Variants in UHRF2 observed in about 807,000 individuals in gnomAD.
UHRF2 encodes the protein ubiquitin like with PHD and ring finger domains 2.
Under a neutral mutation model 96.8 loss-of-function variants are expected in UHRF2, and 23 were observed. The ratio of observed to expected loss-of-function variants is 0.24; its 90% CI spans 0.17 to 0.34. The LOEUF is 0.34. Ranked by LOEUF, UHRF2 falls within the 10% of genes least tolerant of loss-of-function variation. The pLI, the probability that UHRF2 is intolerant of heterozygous loss-of-function variation, is 1.00. For missense variants in UHRF2, 685 were observed against 981.5 expected, an observed-to-expected ratio of 0.70 and a Z score of 4.04; for synonymous variants, 385 against 332.6, an observed-to-expected ratio of 1.16 and a Z score of -1.72.
At position 6,498,011 on chromosome 9, in the gene UHRF2, G is replaced by C. The variant is rs746830713; in HGVS notation, c.1768-7G>C. On this transcript the variant is annotated splice_polypyrimidine_tract_variant and splice_region_variant and intron_variant, in intron 11 of 15. Transcript: ENST00000276893. ...TCTCAAACTGGCACTGAAATATTGTGATTTAGGTGGTGAAATACTGGCCAG... is the reference window on the plus strand; with the variant it reads ...TCTCAAACTGGCACTGAAATATTGTCATTTAGGTGGTGAAATACTGGCCAG... The C allele has an allele frequency of 1.9e-6, 3 of 1,611,934 alleles. No individual in the cohort carries two copies. In the African/African-American group the frequency reaches 4.0e-5, roughly 22 times the overall value.
intron 14 of UHRF2, among the ~76,000 whole-genome samples, chr9:6,501,030 A>G (rs541585877): frequency 1.3e-5 from 2 of 152,328 alleles, no homozygotes; most frequent in East Asian, 3.9e-4. Flanking sequence ...TTTTTGTTAC[A>G]GTTCAAAGTT....
intron 3 of UHRF2, among the ~76,000 whole-genome samples, chr9:6,446,432 C>T (rs776004957): frequency 3.3e-4 from 48 of 147,562 alleles, no homozygotes; most frequent in Non-Finnish European, 2.2e-4. Context: ...CGTGAGCCAC[C>T]ATGCCTGGCC....
At chr9:6,490,733 A>C (rs774828974) in intron 9 of UHRF2, among the ~76,000 whole-genome samples, 2 of 152,212 alleles carry the variant, frequency 1.3e-5, no homozygotes, top group African/African-American at 2.4e-5. Flanking sequence ...TGTGGAGATA[A>C]GTACTGATGA....
intron 2 of UHRF2, among the ~76,000 whole-genome samples, chr9:6,424,546 G>A (rs1338759005): frequency 6.6e-6 from 1 of 152,094 alleles, no homozygotes; most frequent in African/African-American, 2.4e-5. Flanking sequence ...TTTTAGAACA[G>A]TTTTAGATTT....
intron 1 of UHRF2, among the ~76,000 whole-genome samples, chr9:6,419,069 C>G (rs1819773608): frequency 6.6e-6 from 1 of 151,950 alleles, no homozygotes. Flanking sequence ...GGATTAGGGC[C>G]CTAATGACTT....
chr9:6,481,871 G>T, intron 7 of UHRF2, 105 bp downstream of exon 7: 1 of 1,530,984 alleles, frequency 6.5e-7, no homozygotes, highest in South Asian at 1.3e-5. Flanking sequence ...ATCATTATTT[G>T]TTAATATCAA....
At chr9:6,414,408 T>C (rs868039513) in intron 1 of UHRF2, among the ~76,000 whole-genome samples, 32 of 152,350 alleles carry the variant, frequency 2.1e-4, no homozygotes, top group Middle Eastern at 6.8e-3. Flanking sequence ...CTAATACTCA[T>C]GTCGTTCACG....
At chr9:6,420,457 C>G (rs965864574) in intron 1 of UHRF2, among the ~76,000 whole-genome samples, 4 of 150,800 alleles carry the variant, frequency 2.7e-5, no homozygotes, top group Admixed American at 2.6e-4. Flanking sequence ...AATCCCAGCA[C>G]TTTGGGAGGT....
intron 9 of UHRF2, among the ~76,000 whole-genome samples, chr9:6,490,308 A>G (rs535179457): frequency 6.6e-6 from 1 of 152,344 alleles, no homozygotes; most frequent in South Asian, 2.1e-4. Flanking sequence ...CACGGACTCA[A>G]ATGTTAGTTA....
rs1452012135 is a variant in UHRF2, at chr9:6,420,274, C to T, written c.154-638C>T. The stretch of plus-strand genomic sequence containing the variant: ...GTTTCACCATGTTGGTCAGCCTGGT[C>T]TCAAACTCCTGACCTCGTCATCTGC... On this transcript the variant is annotated intron_variant, in intron 1 of 15. Transcript: ENST00000276893. 2.6e-5 allele frequency among the ~76,000 whole-genome samples: 4 copies of T among 151,674 alleles called. No individual in the cohort carries two copies. The East Asian group carries it at 7.9e-4, about 30-fold the overall frequency.
chr9:6,481,816 A>G (rs755037535), intron 7 of UHRF2, 50 bp downstream of exon 7: 2 of 1,586,758 alleles, frequency 1.3e-6, no homozygotes, highest in Non-Finnish European at 1.7e-6. Context: ...ATAATATATA[A>G]TGTTTTAATA....
At chr9:6,447,500 A>G (rs1486066258) in intron 3 of UHRF2, among the ~76,000 whole-genome samples, 1 of 152,230 alleles carries the variant, frequency 6.6e-6, no homozygotes, top group Non-Finnish European at 1.5e-5. Flanking sequence ...GCAGTATACA[A>G]GGATAAAGAA....
chr9:6,504,243 T>G (rs1816464022), intron 14 of UHRF2: 1 of 162,946 alleles, frequency 6.1e-6, no homozygotes, highest in African/African-American at 2.4e-5. Context: ...GCCAGGATGG[T>G]GTCGATCTCC....
intron 3 of UHRF2, among the ~76,000 whole-genome samples, chr9:6,460,062 C>T (rs1195153946): frequency 6.6e-6 from 1 of 152,184 alleles, no homozygotes; most frequent in East Asian, 1.9e-4. Flanking sequence ...TCCCAGCTAG[C>T]AATGAACGTC....
intron 7 of UHRF2, 78 bp from the exon 8 acceptor site, chr9:6,481,914 T>C (rs1823951506): frequency 6.4e-7 from 1 of 1,558,692 alleles, no homozygotes; most frequent in African/African-American, 1.4e-5. Context: ...GTTGGGTTCC[T>C]AGTCACATCT....
chr9:6,474,370 C>A (rs990293035), intron 4 of UHRF2, among the ~76,000 whole-genome samples: 3 of 152,170 alleles, frequency 2.0e-5, no homozygotes, highest in Admixed American at 6.5e-5. Flanking sequence ...AAGATTTAGG[C>A]TTCTTAAATC....
chr9:6,428,542 T>TGG (rs1325000275), intron 2 of UHRF2, among the ~76,000 whole-genome samples: 1 of 9,652 alleles, frequency 1.0e-4, no homozygotes, highest in Non-Finnish European at 2.6e-4. Flanking sequence ...GCTTTTTTTT[T>TGG]TTTTTTTTTT....
intron 2 of UHRF2, among the ~76,000 whole-genome samples, chr9:6,431,598 C>G (rs1320526932): frequency 6.6e-6 from 1 of 152,102 alleles, no homozygotes; most frequent in African/African-American, 2.4e-5. Context: ...AAAATTCTTA[C>G]GTCCAGTTGT....
At chr9:6,496,162 T>C (rs1439808477) in intron 10 of UHRF2, 1 of 152,202 alleles carries the variant, frequency 6.6e-6, no homozygotes, top group Non-Finnish European at 1.5e-5. Context: ...CTATTTTTTT[T>C]AACTTGAGCC....
Sources: allele counts gnomAD v4.1 joint callset (sites outside exome capture counted in the v4.1 genomes callset), GRCh38; gene constraint gnomAD v4.1.1; transcripts MANE v1.5; gene names NCBI Gene and HGNC (gene_info 2026-07-23, HGNC 2026-07-21).